Variants in SLC5A1 observed in about 807,000 individuals in gnomAD.
The protein encoded by SLC5A1 is solute carrier family 5 member 1.
Under a neutral mutation model 73.5 loss-of-function variants are expected in SLC5A1, and 42 were observed. The observed-to-expected ratio is 0.57, with a 90% confidence interval of 0.45 to 0.74. SLC5A1 has a LOEUF of 0.74. SLC5A1 is among the 30% of genes least tolerant of loss of function. The probability of loss-of-function intolerance (pLI) is 0.00; values close to 1 mark genes in which losing one functional copy is unlikely to be tolerated. For missense variants in SLC5A1, 634 were observed against 855.4 expected, an observed-to-expected ratio of 0.74 and a Z score of 3.23; for synonymous variants, 300 against 317.4, an observed-to-expected ratio of 0.95 and a Z score of 0.58.
chr22:32,083,230 C>T lies in SLC5A1; in HGVS notation c.664+76C>T, dbSNP rs1465651224. The T allele has an allele frequency of 9.8e-6, 12 of 1,224,516 alleles. No individual in the cohort carries two copies. The African/African-American group carries it at 1.3e-4, about 14-fold the overall frequency. 75.9% of individuals were successfully genotyped at this position (1,224,516 alleles called of 1,614,324 possible). ...TCAGGAAGAGGAAGGCAAGTCCAGC[C>T]TCTCTACCTGCTTGCCAGACTAGGC... On this transcript the variant is annotated intron_variant, in intron 7 of 14. Transcript: ENST00000266088.
Position 32,099,267 on chromosome 22 carries a change from C to A in SLC5A1, c.1365C>A (p.Tyr455Ter). 6.2e-7 allele frequency: 1 copy of A among 1,613,772 alleles called. No individual in the cohort carries two copies. Among genetic ancestry groups the A allele is most frequent in the Non-Finnish European group, 8.5e-7 (1 of 1,179,874 alleles). Residue 455 changes from tyrosine to a stop codon, truncating the protein, a stop_gained, in exon 12 of 15, where the codon TAC becomes TAA. Transcript: ENST00000266088. LOFTEE classifies it high-confidence loss of function. ...CACAAAGTGGGCAACTCTTCGATTA[C>A]ATCCAGTCCATCACCAGTTACTTGG... ...QSAQSGQLFD[Y>*]IQSITSYLGP...
intron 2 of SLC5A1, among the ~76,000 whole-genome samples, chr22:32,061,691 G>A (rs753531275): frequency 1.2e-4 from 19 of 152,206 alleles, no homozygotes; most frequent in Non-Finnish European, 2.6e-4. Context: ...ATGGCAATTA[G>A]AGGGACTGGC....
At chr22:32,091,583 T>C (rs766802492) in intron 10 of SLC5A1, 29 bp from the exon 11 acceptor site, 4 of 1,613,678 alleles carry the variant, frequency 2.5e-6, no homozygotes, top group Admixed American at 1.7e-5. Context: ...GGTGCTGTTA[T>C]GTGCCACTCA....
At chr22:32,084,387 T>G in intron 7 of SLC5A1, 52 bp from the exon 8 acceptor site, 1 of 1,504,924 alleles carries the variant, frequency 6.6e-7, no homozygotes, top group East Asian at 2.3e-5. Flanking sequence ...AAGAAGCTGC[T>G]ATGACGAGTT....
intron 2 of SLC5A1, chr22:32,059,288 A>G: frequency 1.0e-6 from 1 of 985,526 alleles, no homozygotes; most frequent in Non-Finnish European, 1.2e-6. Context: ...GTGTGGAAGC[A>G]GTTATCAAAG....
At chr22:32,095,027 T>C (rs2149495242) in intron 11 of SLC5A1, among the ~76,000 whole-genome samples, 1 of 152,288 alleles carries the variant, frequency 6.6e-6, no homozygotes, top group East Asian at 1.9e-4. Context: ...CCCAGAGGTT[T>C]TGATAGGTTG....
In SLC5A1 at chr22:32,043,297, T is replaced by C. The variant is rs1428682219; in HGVS notation, c.16T>C (p.Trp6Arg). Reference sequence around the variant, plus strand: ...CGCTGCCACCATGGACAGTAGCACCTGGAGCCCCAAGACCACCGCGGTCAC... The same window carrying C: ...CGCTGCCACCATGGACAGTAGCACCCGGAGCCCCAAGACCACCGCGGTCAC... MDSST[W>R]SPKTTAVTRP... is the part of the protein sequence containing the mutation. Residue 6 changes from tryptophan (W) to arginine (R), a missense_variant, in exon 1 of 15, where the codon TGG becomes CGG. Trp to Arg is a moderately radical substitution (Grantham distance 101). Coordinates refer to ENST00000266088, the MANE Select transcript of SLC5A1 (RefSeq NM_000343.4). The surrounding 1 kb of genome is among the most constrained non-coding windows in gnomAD (Gnocchi z 6.5). 6.2e-7 allele frequency: 1 copy of C among 1,614,044 alleles called. No individual in the cohort carries two copies. The highest frequency in any genetic ancestry group is 8.5e-7 in the Non-Finnish European group (1 of 1,180,014).
intron 2 of SLC5A1, among the ~76,000 whole-genome samples, chr22:32,051,111 T>C (rs1322518909): frequency 2.0e-5 from 3 of 152,158 alleles, no homozygotes; most frequent in Non-Finnish European, 4.4e-5. Flanking sequence ...GAGAGACTCT[T>C]GTTTTGGAAG....
At chr22:32,078,044 T>A (rs1012763725) in intron 5 of SLC5A1, among the ~76,000 whole-genome samples, 9 of 152,214 alleles carry the variant, frequency 5.9e-5, no homozygotes, top group Admixed American at 1.3e-4. Flanking sequence ...AATATGCGCA[T>A]CATTTTGTTG....
chr22:32,083,068 G>T lies in SLC5A1; in HGVS notation c.584-6G>T, dbSNP rs200525887. 6.2e-6 allele frequency: 10 copies of T among 1,613,988 alleles called. No individual in the cohort carries two copies. The highest frequency in any genetic ancestry group is 8.5e-6 in the Non-Finnish European group (10 of 1,179,952). ...GGTCAGATGTGTTGTCTTCTTGCCT[G>T]CTTAGGGGGCCTGGCGGCGGTGATT... On this transcript the variant is annotated splice_polypyrimidine_tract_variant and splice_region_variant and intron_variant, in intron 6 of 14. Transcript: ENST00000266088.
intron 5 of SLC5A1, among the ~76,000 whole-genome samples, chr22:32,076,934 T>G (rs2093991850): frequency 6.6e-6 from 1 of 152,182 alleles, no homozygotes; most frequent in Non-Finnish European, 1.5e-5. Context: ...CTGGGCTAAA[T>G]CCAACACACG....
intron 10 of SLC5A1, among the ~76,000 whole-genome samples, chr22:32,086,810 G>A (rs1001821343): frequency 1.3e-5 from 2 of 152,102 alleles, no homozygotes; most frequent in Non-Finnish European, 2.9e-5. Flanking sequence ...GTTCACTGTA[G>A]CATTGTTCAC....
At chr22:32,093,874 CTATGT>C (rs2094022203) in intron 11 of SLC5A1, among the ~76,000 whole-genome samples, 1 of 152,118 alleles carries the variant, frequency 6.6e-6, no homozygotes, top group African/African-American at 2.4e-5. Flanking sequence ...ACTTCCAGTA[CTATGT>C]TGAATACAAG....
At chr22:32,049,151 ATAT>A (rs200361294) in intron 1 of SLC5A1, among the ~76,000 whole-genome samples, 1 of 131,964 alleles carries the variant, frequency 7.6e-6, no homozygotes, top group Non-Finnish European at 1.7e-5. Context: ...TATATAATCT[ATAT>A]TATATATAAT....
intron 5 of SLC5A1, among the ~76,000 whole-genome samples, chr22:32,080,909 G>A (rs540312952): frequency 6.6e-6 from 1 of 152,094 alleles, no homozygotes; most frequent in Admixed American, 6.6e-5. Flanking sequence ...CAGGAGAATC[G>A]CTTGAACCCA....
chr22:32,068,092 A>G, intron 4 of SLC5A1, 66 bp downstream of exon 4: 1 of 1,457,208 alleles, frequency 6.9e-7, no homozygotes, highest in Non-Finnish European at 9.6e-7. Flanking sequence ...GTCTTCCTAG[A>G]GGGCAGAGGA....
intron 2 of SLC5A1, among the ~76,000 whole-genome samples, chr22:32,062,587 G>C (rs1275322332): frequency 6.6e-6 from 1 of 152,118 alleles, no homozygotes; most frequent in Non-Finnish European, 1.5e-5. Flanking sequence ...GATCAAGTTG[G>C]GGAAATTTTA....
At chr22:32,059,102 T>C (rs1879224440) in intron 2 of SLC5A1, 1 of 985,320 alleles carries the variant, frequency 1.0e-6, no homozygotes, top group African/African-American at 1.7e-5. Flanking sequence ...CAGGACTGGA[T>C]TGCAGAGAGC....
chr22:32,070,312 C>T (rs1450677168), intron 5 of SLC5A1, among the ~76,000 whole-genome samples: 8 of 134,608 alleles, frequency 5.9e-5, no homozygotes, highest in Non-Finnish European at 3.1e-5. Context: ...CTTCTTCCTT[C>T]TTCCTTCTAC....
Sources: allele counts gnomAD v4.1 joint callset (sites outside exome capture counted in the v4.1 genomes callset), GRCh38; gene constraint gnomAD v4.1.1; non-coding constraint Gnocchi (gnomAD v3.1); transcripts MANE v1.5; gene names NCBI Gene and HGNC (gene_info 2026-07-23, HGNC 2026-07-21).